Variants in PIP4K2A observed in about 807,000 individuals in gnomAD.
The protein encoded by PIP4K2A is phosphatidylinositol-5-phosphate 4-kinase type 2 alpha.
In PIP4K2A, 14 loss-of-function variants were observed where a neutral mutation model predicts 42.9. The ratio of observed to expected loss-of-function variants is 0.33; its 90% CI spans 0.22 to 0.51. The LOEUF (loss-of-function observed/expected upper bound fraction) is 0.51, where lower values mean the gene tolerates loss of function less well. Ranked by LOEUF, PIP4K2A falls within the 20% of genes least tolerant of loss-of-function variation. The pLI is 0.97. For synonymous variants in PIP4K2A, 192 were observed against 192.2 expected, an observed-to-expected ratio of 1.00 and a Z score of 0.01; for missense variants, 434 against 519.8, an observed-to-expected ratio of 0.83 and a Z score of 1.61.
chr10:22,686,978 T>A (rs989920594), intron 1 of PIP4K2A, among the ~76,000 whole-genome samples: 2 of 152,134 alleles, frequency 1.3e-5, no homozygotes, highest in Non-Finnish European at 2.9e-5. Flanking sequence ...TGCTCCACAG[T>A]TACTTAGCAC....
chr10:22,656,469 G>A (rs1055448866), intron 1 of PIP4K2A, among the ~76,000 whole-genome samples: 1 of 152,184 alleles, frequency 6.6e-6, no homozygotes, highest in African/African-American at 2.4e-5. Flanking sequence ...TGGACTCAGT[G>A]GTGAACACGG....
Position 22,669,787 on chromosome 10 carries a change from A to G in PIP4K2A, c.144+44396T>C, listed in dbSNP as rs142379163. 1.2e-3 allele frequency among the ~76,000 whole-genome samples: 178 copies of G among 152,258 alleles called. 1 individual carries two copies. The highest frequency in any genetic ancestry group is 2.2e-3 in the Non-Finnish European group (148 of 68,004). On this transcript the variant is annotated intron_variant, in intron 1 of 9. Transcript: ENST00000376573. ...ACTTTTTTACCAACCGTTTTTTGCT[A>G]GCAAAAAATATGAATGTCTTTCTGA...
chr10:22,690,358 T>A (rs1219163542), intron 1 of PIP4K2A, among the ~76,000 whole-genome samples: 1 of 152,210 alleles, frequency 6.6e-6, no homozygotes, highest in Non-Finnish European at 1.5e-5. Flanking sequence ...GGCACTATGC[T>A]ACACTCTGTA....
intron 4 of PIP4K2A, 102 bp downstream of exon 4, chr10:22,591,527 C>G: frequency 1.1e-6 from 1 of 914,026 alleles, no homozygotes; most frequent in South Asian, 1.8e-5. Context: ...GAAATGTGTT[C>G]TTCTTGTTCT....
chr10:22,591,524 G>A, intron 4 of PIP4K2A, 105 bp downstream of exon 4: 1 of 883,092 alleles, frequency 1.1e-6, no homozygotes, highest in Non-Finnish European at 1.7e-6. Flanking sequence ...TGTGAAATGT[G>A]TTCTTCTTGT....
At chr10:22,580,909 G>A (rs1158146353) in intron 4 of PIP4K2A, among the ~76,000 whole-genome samples, 4 of 152,168 alleles carry the variant, frequency 2.6e-5, no homozygotes, top group Non-Finnish European at 4.4e-5. Context: ...GCTCTAATGC[G>A]GCCCGGGAGG....
chr10:22,668,992 C>T (rs1268267474), intron 1 of PIP4K2A, among the ~76,000 whole-genome samples: 2 of 152,116 alleles, frequency 1.3e-5, no homozygotes, highest in Admixed American at 6.5e-5. Flanking sequence ...GGTTTTAATA[C>T]TCTTTTTTTG....
At position 22,573,402 on chromosome 10, in the gene PIP4K2A, C is replaced by T. The variant is rs757271233; in HGVS notation, c.548G>A (p.Arg183Gln). 8.7e-6 allele frequency: 14 copies of T among 1,613,546 alleles called. No homozygotes were observed. The highest frequency in any genetic ancestry group is 5.0e-5 in the Admixed American group (3 of 59,988). Reference sequence around the variant, plus strand: ...TATTTCAACTCCATCAACATTAAGCCGGTACATGCCCAAGAACTGGGGAAG... The same window carrying T: ...TATTTCAACTCCATCAACATTAAGCTGGTACATGCCCAAGAACTGGGGAAG... ...TLLPQFLGMY[R>Q]LNVDGVEIYV... The change falls in exon 5 of 10, where the codon CGG becomes CAG. Residue 183 changes from arginine to glutamine, a missense_variant. Arg to Gln is a conservative substitution (Grantham distance 43). Around this residue, in one of 2 missense-constraint regions of PIP4K2A, gnomAD observed 395 missense variants for 444.5 expected, o/e 0.89. Coordinates refer to ENST00000376573, the MANE Select transcript of PIP4K2A (RefSeq NM_005028.5).
chr10:22,562,352 T>A (rs1378170115), intron 6 of PIP4K2A, among the ~76,000 whole-genome samples: 1 of 152,128 alleles, frequency 6.6e-6, no homozygotes. Flanking sequence ...ATCGAGACCA[T>A]CCTGGCTAAC....
intron 1 of PIP4K2A, among the ~76,000 whole-genome samples, chr10:22,699,853 T>C (rs1688539247): frequency 1.3e-5 from 2 of 152,150 alleles, no homozygotes; most frequent in African/African-American, 4.8e-5. Context: ...TGAAAAACTA[T>C]GAAACTCTAT....
chr10:22,704,983 C>A (rs1833790201), intron 1 of PIP4K2A, among the ~76,000 whole-genome samples: 1 of 152,138 alleles, frequency 6.6e-6, no homozygotes, highest in African/African-American at 2.4e-5. Context: ...TGTCTGTAGA[C>A]TGACGGACCC....
intron 1 of PIP4K2A, among the ~76,000 whole-genome samples, chr10:22,696,850 C>G (rs1326742707): frequency 5.9e-5 from 9 of 151,946 alleles, no homozygotes; most frequent in Admixed American, 5.9e-4. Context: ...CTACTTAATT[C>G]AAGCTTTAAA....
Position 22,697,846 on chromosome 10 carries a change from C to T in PIP4K2A, c.144+16337G>A, listed in dbSNP as rs555464645. Among the ~76,000 whole-genome samples, 4 of 152,248 alleles carry T rather than the reference C, an allele frequency of 2.6e-5. No individual in the cohort carries two copies. In the South Asian group the frequency reaches 6.2e-4, roughly 24 times the overall value. On this transcript the variant is annotated intron_variant, in intron 1 of 9. Transcript: ENST00000376573. The stretch of plus-strand genomic sequence containing the variant: ...ATTTTCTGAAACGGTTCATGTGAAT[C>T]GTCCATAGGTCGAGTCTAACGTTAA...
At chr10:22,559,109 G>GTATC (rs1299067153) in intron 6 of PIP4K2A, among the ~76,000 whole-genome samples, 1 of 152,114 alleles carries the variant, frequency 6.6e-6, no homozygotes, top group African/African-American at 2.4e-5. Flanking sequence ...AGATATCTAT[G>GTATC]GTGATAATCT....
chr10:22,708,088 CGAA>C (rs1360442998), intron 1 of PIP4K2A, among the ~76,000 whole-genome samples: 3 of 152,068 alleles, frequency 2.0e-5, no homozygotes, highest in Non-Finnish European at 2.9e-5. Flanking sequence ...AGAATGGAAA[CGAA>C]GAGACGGATT....
At chr10:22,628,059 T>G (rs990707031) in intron 1 of PIP4K2A, among the ~76,000 whole-genome samples, 5 of 152,188 alleles carry the variant, frequency 3.3e-5, no homozygotes, top group Non-Finnish European at 7.3e-5. Context: ...TTTAAAGTGA[T>G]TTTACTATTA....
At chr10:22,610,026 C>G (rs1309207712) in intron 1 of PIP4K2A, among the ~76,000 whole-genome samples, 1 of 152,214 alleles carries the variant, frequency 6.6e-6, no homozygotes, top group Non-Finnish European at 1.5e-5. Context: ...ACAACCTCAT[C>G]CCACAGACCC....
intron 1 of PIP4K2A, among the ~76,000 whole-genome samples, chr10:22,693,674 A>G (rs1384800001): frequency 6.6e-6 from 1 of 152,190 alleles, no homozygotes; most frequent in Non-Finnish European, 1.5e-5. Context: ...TTAGTCATCG[A>G]CACACTACCC....
Position 22,561,591 on chromosome 10 carries a change from T to C in PIP4K2A, c.678+6260A>G, listed in dbSNP as rs866195856. On this transcript the variant is annotated intron_variant, in intron 6 of 9. Transcript: ENST00000376573. ...TTTTTTTTTTTTTTTTTTTTTTTTTTCTGAGACAGGGTCTTGTTCTGTCAC... is the reference window on the plus strand; with the variant it reads ...TTTTTTTTTTTTTTTTTTTTTTTTTCCTGAGACAGGGTCTTGTTCTGTCAC... Among the ~76,000 whole-genome samples, 317 of 81,250 alleles carry C rather than the reference T, an allele frequency of 3.9e-3. 1 individual carries two copies. The highest frequency in any genetic ancestry group is 0.013 in the African/African-American group (264 of 20,554). 53.3% of individuals were successfully genotyped at this position (81,250 alleles called of 152,430 possible). A position where few individuals can be genotyped will look rare whatever the true frequency, so the allele number is the denominator to read the frequency against.
Sources: allele counts gnomAD v4.1 joint callset (sites outside exome capture counted in the v4.1 genomes callset), GRCh38; gene constraint gnomAD v4.1.1; regional missense constraint gnomAD v4.1.1; transcripts MANE v1.5; gene names NCBI Gene and HGNC (gene_info 2026-07-23, HGNC 2026-07-21).